ITGA9: variants seen among roughly 807,000 people sequenced by gnomAD.
The protein encoded by ITGA9 is integrin alpha-9.
ITGA9 carries 56 observed loss-of-function variants against 127.8 expected under a neutral mutation model. The observed-to-expected ratio is 0.44, with a 90% CI of 0.35 to 0.55. The LOEUF is 0.55. Ranked by LOEUF, ITGA9 falls within the 20% of genes least tolerant of loss-of-function variation. ITGA9 has a pLI of 0.00. For missense variants in ITGA9, 1,196 were observed against 1,347.1 expected (o/e 0.89, Z 1.76); for synonymous variants, 508 against 514.5 (o/e 0.99, Z 0.17).
chr3:37,639,573 T>A (rs759667983), intron 16 of ITGA9, among the ~76,000 whole-genome samples: 1 of 152,072 alleles, frequency 6.6e-6, no homozygotes, highest in Non-Finnish European at 1.5e-5. Flanking sequence ...AGTCATGCAG[T>A]CTGAAGCCAC....
intron 18 of ITGA9, among the ~76,000 whole-genome samples, chr3:37,684,576 A>G (rs551110346): frequency 6.6e-6 from 1 of 152,304 alleles, no homozygotes; most frequent in Non-Finnish European, 1.5e-5. Context: ...CCTGAGTTCA[A>G]GTGATCCTCC....
rs139425857 is a variant in ITGA9, at chr3:37,595,113, T to G, written c.1690-34074T>G. Among the ~76,000 whole-genome samples, 332 of 151,212 alleles carry G rather than the reference T, an allele frequency of 2.2e-3. 1 individual carries two copies. The highest frequency in any genetic ancestry group is 7.5e-3 in the African/African-American group (303 of 40,604). Reference sequence around the variant, plus strand: ...TGTTTTTGTTTTTGTTTTTGTTTTTTTTTGACTTTGAGACAGGATCTCACT... The same window carrying G: ...TGTTTTTGTTTTTGTTTTTGTTTTTGTTTGACTTTGAGACAGGATCTCACT... On this transcript the variant is annotated intron_variant, in intron 15 of 27. Coordinates refer to ENST00000264741, the MANE Select transcript of ITGA9 (RefSeq NM_002207.3).
chr3:37,757,763 G>T (rs1696671573), intron 23 of ITGA9, among the ~76,000 whole-genome samples: 1 of 151,684 alleles, frequency 6.6e-6, no homozygotes, highest in Admixed American at 6.6e-5. Context: ...AGAAAAAAAT[G>T]TAAAAGTAGA....
At chr3:37,564,456 G>A (rs1001409906) in intron 15 of ITGA9, among the ~76,000 whole-genome samples, 1 of 152,006 alleles carries the variant, frequency 6.6e-6, no homozygotes, top group Non-Finnish European at 1.5e-5. Context: ...TATATTTTTG[G>A]TGGCCTCCTA....
chr3:37,526,176 G>A (rs1448782949), intron 13 of ITGA9, 105 bp downstream of exon 13: 9 of 964,738 alleles, frequency 9.3e-6, no homozygotes, highest in East Asian at 2.4e-5. Flanking sequence ...TTGTAGGCTG[G>A]AGGTGCTTAG....
Position 37,678,222 on chromosome 3 carries a change from A to G in ITGA9, c.1917-5643A>G, listed in dbSNP as rs142251678. 3.2e-3 allele frequency among the ~76,000 whole-genome samples: 483 copies of G among 152,284 alleles called. 5 individuals carry two copies. The highest frequency in any genetic ancestry group is 0.01 in the Middle Eastern group (3 of 294). On this transcript the variant is annotated intron_variant, in intron 17 of 27. Transcript: ENST00000264741. Reference sequence around the variant, plus strand: ...AATTTTTGGGTTATATGACAATTCTATGTTTAATTATTTTGAGAAATGTTC... The same window carrying G: ...AATTTTTGGGTTATATGACAATTCTGTGTTTAATTATTTTGAGAAATGTTC...
chr3:37,576,699 C>A (rs1032362598), intron 15 of ITGA9, among the ~76,000 whole-genome samples: 9 of 152,208 alleles, frequency 5.9e-5, no homozygotes, highest in Non-Finnish European at 1.2e-4. Context: ...CTCCGCCTCC[C>A]AGGCTCAAGC....
At chr3:37,621,289 C>A (rs1700126202) in intron 15 of ITGA9, among the ~76,000 whole-genome samples, 1 of 152,202 alleles carries the variant, frequency 6.6e-6, no homozygotes, top group Non-Finnish European at 1.5e-5. Context: ...TTATAAATTA[C>A]CCAGTTTTGG....
At chr3:37,606,390 C>T (rs1257629252) in intron 15 of ITGA9, among the ~76,000 whole-genome samples, 1 of 152,040 alleles carries the variant, frequency 6.6e-6, no homozygotes, top group Non-Finnish European at 1.5e-5. Flanking sequence ...GCTGCTGAGC[C>T]CTTGAAATGT....
rs538164280 is a variant in ITGA9 at position 37,757,319 on chromosome 3, G to C, written c.2541+6750G>C. On this transcript the variant is annotated intron_variant, in intron 23 of 27. Transcript: ENST00000264741. Reference sequence around the variant, plus strand: ...GCGATGATGCCAAAAAACAACACTAGAAATACTTTTTAAAGAAGTACCATA... The same window carrying C: ...GCGATGATGCCAAAAAACAACACTACAAATACTTTTTAAAGAAGTACCATA... 2.0e-5 allele frequency among the ~76,000 whole-genome samples: 3 copies of C among 151,820 alleles called. No homozygotes were observed. In the South Asian group the frequency reaches 6.2e-4, roughly 32 times the overall value.
chr3:37,467,745 G>T (rs558155721), intron 1 of ITGA9, among the ~76,000 whole-genome samples: 1 of 152,300 alleles, frequency 6.6e-6, no homozygotes, highest in African/African-American at 2.4e-5. Context: ...GGACTCTGCT[G>T]TGTGGCCCTG....
At position 37,629,282 on chromosome 3, in the gene ITGA9, T is replaced by C. The variant is rs202087340; in HGVS notation, c.1785T>C (p.Pro595=). The change falls in exon 16 of 28, where the codon CCT becomes CCC. Residue 595 remains proline (P), a synonymous_variant. Coordinates refer to ENST00000264741, the MANE Select transcript of ITGA9 (RefSeq NM_002207.3). The surrounding 1 kb of genome is among the most constrained non-coding windows in gnomAD (Gnocchi z 4.5). ...VTGEEERELP[P]LTPVLRWKKG... is the part of the protein sequence containing the mutation. ...GAGAGGAGGAGAGGGAACTGCCGCC[T>C]CTGACACCAGTTCTCCGCTGGAAAA... 182 of 1,613,994 alleles carry C rather than the reference T, an allele frequency of 1.1e-4. No homozygotes were observed. Among genetic ancestry groups the C allele is most frequent in the Non-Finnish European group, 1.5e-4 (178 of 1,180,030 alleles).
intron 8 of ITGA9, among the ~76,000 whole-genome samples, chr3:37,512,547 AACTG>A (rs1040802543): frequency 3.9e-4 from 59 of 152,108 alleles, no homozygotes; most frequent in Non-Finnish European, 6.5e-4. Context: ...AGAGGTTGCA[AACTG>A]ACAGCCTTTG....
intron 15 of ITGA9, among the ~76,000 whole-genome samples, chr3:37,613,650 A>G (rs1700045686): frequency 6.6e-6 from 1 of 152,080 alleles, no homozygotes; most frequent in Non-Finnish European, 1.5e-5. Context: ...TTTAATGATC[A>G]CCATTCTAAC....
chr3:37,792,933 C>T (rs912948418), intron 26 of ITGA9, among the ~76,000 whole-genome samples: 7 of 152,020 alleles, frequency 4.6e-5, no homozygotes, highest in South Asian at 2.1e-4. Flanking sequence ...AGTGTCATCT[C>T]GATGCAAAGC....
intron 16 of ITGA9, among the ~76,000 whole-genome samples, chr3:37,637,400 GA>G (rs979725968): frequency 6.6e-6 from 1 of 152,124 alleles, no homozygotes; most frequent in African/African-American, 2.4e-5. Context: ...AAGCAATTGT[GA>G]ATGGGAGTTC....
intron 14 of ITGA9, among the ~76,000 whole-genome samples, chr3:37,539,456 T>C (rs1393187964): frequency 6.6e-6 from 1 of 152,162 alleles, no homozygotes; most frequent in Admixed American, 6.5e-5. Flanking sequence ...TTATGAGGTC[T>C]GGGAAGTCTG....
intron 18 of ITGA9, among the ~76,000 whole-genome samples, chr3:37,718,770 G>A (rs746553090): frequency 2.0e-5 from 3 of 152,260 alleles, no homozygotes; most frequent in Non-Finnish European, 2.9e-5. Context: ...AATGCATGCC[G>A]ACGCCACATG....
At chr3:37,733,234 C>G (rs973924765) in intron 19 of ITGA9, among the ~76,000 whole-genome samples, 5 of 152,154 alleles carry the variant, frequency 3.3e-5, no homozygotes, top group Admixed American at 3.3e-4. Context: ...TCAAAATTCT[C>G]AAAACATAAA....
Sources: gnomAD v4.1 joint callset for allele counts (sites outside exome capture counted in the v4.1 genomes callset) on GRCh38, gnomAD v4.1.1 for gene constraint, Gnocchi (gnomAD v3.1) non-coding constraint, MANE v1.5 for transcripts, NCBI Gene and HGNC (gene_info 2026-07-23, HGNC 2026-07-21) for gene names.